Variants in ZNF33B observed in about 807,000 individuals in gnomAD.
ZNF33B encodes zinc finger protein 33B.
A neutral mutation model predicts 45.8 loss-of-function variants in ZNF33B; 29 were observed. The observed-to-expected ratio is 0.63, with a 90% CI of 0.47 to 0.86. The LOEUF is 0.86. Ranked by LOEUF, ZNF33B falls within the 40% of genes least tolerant of loss-of-function variation. The pLI is 0.00. For missense variants in ZNF33B, 831 were observed against 909.9 expected (o/e 0.91, Z 1.12); for synonymous variants, 305 against 307.8 (o/e 0.99, Z 0.10).
rs932880818 is a variant in ZNF33B, at chr10:42,632,515, A to G, written c.10-76T>C. 6 of 1,542,812 alleles carry G rather than the reference A, an allele frequency of 3.9e-6. No homozygotes were observed. The African/African-American group carries it at 7.0e-5, about 18-fold the overall frequency. On this transcript the variant is annotated intron_variant, in intron 2 of 4. Coordinates refer to ENST00000359467, the MANE Select transcript of ZNF33B (RefSeq NM_006955.3). Reference sequence around the variant, plus strand: ...TTACCATGATTATTATTCACAGAATATTTGTTTTGCTTTATACTTTTAGGG... The same window carrying G: ...TTACCATGATTATTATTCACAGAATGTTTGTTTTGCTTTATACTTTTAGGG...
chr10:42,618,767 A>C lies in ZNF33B; in HGVS notation c.250+13162T>G, dbSNP rs549842582. Among the ~76,000 whole-genome samples, 5 of 152,174 alleles carry C rather than the reference A, an allele frequency of 3.3e-5. No individual in the cohort carries two copies. The South Asian group carries it at 1.0e-3, about 32-fold the overall frequency. Reference sequence around the variant, plus strand: ...GGGCGTTTCTGCGAATTCTTCAAAAAATTTTTCTTTCCCTTTCTATTCTCT... The same window carrying C: ...GGGCGTTTCTGCGAATTCTTCAAAACATTTTTCTTTCCCTTTCTATTCTCT... On this transcript the variant is annotated intron_variant, in intron 4 of 4. Transcript: ENST00000359467.
Position 42,593,682 on chromosome 10 carries a change from TAA to T in ZNF33B, c.1266_1267del (p.Phe422LeufsTer5). The T allele has an allele frequency of 1.2e-6, 2 of 1,613,456 alleles. No individual in the cohort carries two copies. The highest frequency in any genetic ancestry group is 1.7e-6 in the Non-Finnish European group (2 of 1,179,586). On this transcript the variant is annotated frameshift_variant, in exon 5 of 5. Coordinates refer to ENST00000359467, the MANE Select transcript of ZNF33B (RefSeq NM_006955.3). LOFTEE classifies it high-confidence loss of function. Reference sequence around the variant, plus strand: ...ATGTTTAGTGAGGTCAGATTTCTGGTAAAAAGTTTTCCCACATGCATTACACT... The same window carrying T: ...ATGTTTAGTGAGGTCAGATTTCTGGTAAAGTTTTCCCACATGCATTACACT...
rs1335253671 is a variant in ZNF33B at position 42,590,616 on chromosome 10, TAATA to T, written c.*1993_*1996del. Reference sequence around the variant, plus strand: ...TTATTAATTACTGCTTCAATTTATTTAATAGATATATATGCCTACTGAGATCTAC... The same window carrying T: ...TTATTAATTACTGCTTCAATTTATTTGATATATATGCCTACTGAGATCTAC... On this transcript the variant is annotated 3_prime_UTR_variant, in exon 5 of 5. Transcript: ENST00000359467. 2 of 152,206 alleles carry T rather than the reference TAATA, an allele frequency of 1.3e-5. No homozygotes were observed. The highest frequency in any genetic ancestry group is 2.9e-5 in the Non-Finnish European group (2 of 68,042). The allele number at this position is 152,206 out of a possible 1,614,324, so 9.4% of individuals were successfully genotyped here.
At chr10:42,632,062 G>A in intron 3 of ZNF33B, 38 bp from the exon 4 acceptor site, 1 of 1,601,562 alleles carries the variant, frequency 6.2e-7, no homozygotes, top group South Asian at 1.1e-5. Flanking sequence ...GGACCAAGCA[G>A]TCTAGACTTC....
intron 4 of ZNF33B, among the ~76,000 whole-genome samples, chr10:42,611,321 A>G (rs12266387): frequency 0.11 from 17,065 of 152,062 alleles, 1,164 homozygotes; most frequent in African/African-American, 0.19. Flanking sequence ...AGCCTGGGTG[A>G]CGGAGTGAGA....
intron 4 of ZNF33B, among the ~76,000 whole-genome samples, chr10:42,631,158 A>G (rs1013208655): frequency 6.6e-6 from 1 of 152,074 alleles, no homozygotes; most frequent in Non-Finnish European, 1.5e-5. Context: ...ATACATAAAC[A>G]TAAGTATACA....
downstream of ZNF33B, among the ~76,000 whole-genome samples, chr10:42,586,378 T>C (rs754456771): frequency 6.6e-6 from 1 of 152,130 alleles, no homozygotes; most frequent in African/African-American, 2.4e-5. Flanking sequence ...CTCGATCTCC[T>C]GACCTCATGA....
intron 4 of ZNF33B, among the ~76,000 whole-genome samples, chr10:42,631,214 A>T (rs1589072575): frequency 6.6e-6 from 1 of 151,702 alleles, no homozygotes; most frequent in East Asian, 1.9e-4. Flanking sequence ...ATATTTATTT[A>T]CTTATTTTTG....
At chr10:42,603,815 C>T (rs1357134066) in intron 4 of ZNF33B, among the ~76,000 whole-genome samples, 1 of 152,174 alleles carries the variant, frequency 6.6e-6, no homozygotes. Flanking sequence ...CTGTTAACAC[C>T]ACTGCCATGC....
downstream of ZNF33B, among the ~76,000 whole-genome samples, chr10:42,587,025 G>C (rs561130500): frequency 2.6e-5 from 4 of 152,200 alleles, no homozygotes; most frequent in South Asian, 4.1e-4. Context: ...GAGTGACACT[G>C]GGCCCTCACA....
intron 4 of ZNF33B, among the ~76,000 whole-genome samples, chr10:42,607,231 T>A (rs1483384569): frequency 6.6e-6 from 1 of 152,148 alleles, no homozygotes; most frequent in South Asian, 2.1e-4. Context: ...TAAGATTTAT[T>A]AGGTAAGTTC....
downstream of ZNF33B, among the ~76,000 whole-genome samples, chr10:42,588,164 C>T (rs1226124545): frequency 6.6e-6 from 1 of 152,222 alleles, no homozygotes; most frequent in Admixed American, 6.5e-5. Context: ...TGGTCACTAC[C>T]TTTACAGGTG....
exon 2 of ZNF33B, chr10:42,574,623 G>A (rs1458139521): frequency 1.3e-5 from 2 of 151,926 alleles, no homozygotes; most frequent in Non-Finnish European, 2.9e-5. Context: ...CAGCAAGTTT[G>A]TGTCTCGGTG....
rs1329931626 is a variant in ZNF33B at position 42,593,985 on chromosome 10, C to G, written c.965G>C (p.Gly322Ala). Residue 322 changes from glycine (G) to alanine (A), a missense_variant, in exon 5 of 5, where the codon GGT becomes GCT. Physicochemically the swap from Gly to Ala is moderately conservative, Grantham distance 60. Coordinates refer to ENST00000359467, the MANE Select transcript of ZNF33B (RefSeq NM_006955.3). ...RKLCLSQLQK[G>A]DKGEKHFECN... ...TTCAAAGTGTTTCTCTCCTTTATCA[C>G]CTTTCTGAAGCTGTGACAGACACAA... is the stretch of plus-strand genomic sequence containing the variant. 6.2e-7 allele frequency: 1 copy of G among 1,614,082 alleles called. No individual in the cohort carries two copies. The highest frequency in any genetic ancestry group is 8.5e-7 in the Non-Finnish European group (1 of 1,179,964).
intron 1 of ZNF33B, among the ~76,000 whole-genome samples, chr10:42,575,185 C>T (rs1042503852): frequency 6.6e-6 from 1 of 152,180 alleles, no homozygotes; most frequent in African/African-American, 2.4e-5. Flanking sequence ...GCTAGGACGA[C>T]ACAGAGTGAC....
chr10:42,576,587 C>T (rs1836751860), intron 1 of ZNF33B, among the ~76,000 whole-genome samples: 1 of 152,074 alleles, frequency 6.6e-6, no homozygotes, highest in Non-Finnish European at 1.5e-5. Flanking sequence ...CTGAGTCAGA[C>T]CAGAGCTTTT....
intron 4 of ZNF33B, among the ~76,000 whole-genome samples, chr10:42,621,159 C>CAA (rs34634412): frequency 4.7e-5 from 6 of 126,770 alleles, no homozygotes; most frequent in African/African-American, 1.8e-4. Flanking sequence ...CTGTTTCCAC[C>CAA]AAAAAAAAAA....
intron 1 of ZNF33B, among the ~76,000 whole-genome samples, chr10:42,637,289 A>G (rs934821450): frequency 1.2e-4 from 18 of 152,228 alleles, no homozygotes; most frequent in African/African-American, 3.9e-4. Flanking sequence ...ACAAGTTAAC[A>G]ATACATTTAA....
intron 1 of ZNF33B, among the ~76,000 whole-genome samples, chr10:42,577,359 C>CT (rs1328629594): frequency 1.3e-5 from 2 of 152,112 alleles, no homozygotes; most frequent in African/African-American, 4.8e-5. Flanking sequence ...TTCCTTATCT[C>CT]TGATTCACAA....
Sources: allele counts gnomAD v4.1 joint callset (sites outside exome capture counted in the v4.1 genomes callset), GRCh38; gene constraint gnomAD v4.1.1; transcripts MANE v1.5; gene names NCBI Gene and HGNC (gene_info 2026-07-23, HGNC 2026-07-21).